Variants in HECTD4 observed in about 807,000 individuals in gnomAD.
HECTD4 encodes the protein probable E3 ubiquitin-protein ligase HECTD4.
A neutral mutation model predicts 471.5 loss-of-function variants in HECTD4; 114 were observed. The ratio of observed to expected loss-of-function variants is 0.24; its 90% CI spans 0.21 to 0.28. The LOEUF (loss-of-function observed/expected upper bound fraction) is 0.28, where lower values mean the gene tolerates loss of function less well. Ranked by LOEUF, HECTD4 falls within the 10% of genes least tolerant of loss-of-function variation. The pLI, the probability that HECTD4 is intolerant of heterozygous loss-of-function variation, is 1.00. For missense variants in HECTD4, 3,866 were observed against 5,651.5 expected, an observed-to-expected ratio of 0.68 and a Z score of 10.13; for synonymous variants, 2,012 against 2,256.0, an observed-to-expected ratio of 0.89 and a Z score of 3.07.
intron 34 of HECTD4, among the ~76,000 whole-genome samples, chr12:112,237,495 G>C (rs1226145056): frequency 6.6e-6 from 1 of 152,164 alleles, no homozygotes; most frequent in Non-Finnish European, 1.5e-5. Flanking sequence ...GCATGTAAAA[G>C]TTATGAAAAA....
rs1204888982 is a variant in HECTD4, at chr12:112,243,406, C to T, written c.4905G>A (p.Gly1635=). The T allele has an allele frequency of 6.2e-7, 1 of 1,612,704 alleles. No individual in the cohort carries two copies. Among genetic ancestry groups the T allele is most frequent in the Non-Finnish European group, 8.5e-7 (1 of 1,179,352 alleles). Residue 1635 remains glycine, a synonymous_variant, in exon 32 of 76, where the codon GGG becomes GGA. Coordinates refer to ENST00000682272, the MANE Select transcript of HECTD4 (RefSeq NM_001388303.1). This position sits in a 1 kb window ranked among gnomAD's most constrained non-coding sequence, Gnocchi z 6.6. The part of the protein sequence containing the change: ...RELLTAAVRV[G]GVTHLVGPVT... ...CTGGACCCACAAGATGCGTCACTCC[C>T]CCGACTCGTACGGCAGCTGTCAGCA...
In HECTD4 at chr12:112,213,535, A is replaced by C. The variant is rs549165744; in HGVS notation, c.7466-885T>G. 4.6e-5 allele frequency among the ~76,000 whole-genome samples: 7 copies of C among 151,242 alleles called. No individual in the cohort carries two copies. The highest frequency in any genetic ancestry group is 8.8e-5 in the Non-Finnish European group (6 of 67,864). On this transcript the variant is annotated intron_variant, in intron 48 of 75. Coordinates refer to ENST00000682272, the MANE Select transcript of HECTD4 (RefSeq NM_001388303.1). The surrounding 1 kb of genome is among the most constrained non-coding windows in gnomAD (Gnocchi z 4.0). ...CCCTGTCTCTACTAAAAATACAAAAATTTCGCCGGGCTAGGTGGCAGGCAC... is the reference window on the plus strand; with the variant it reads ...CCCTGTCTCTACTAAAAATACAAAACTTTCGCCGGGCTAGGTGGCAGGCAC...
chr12:112,189,107 C>T (rs1462990136), intron 60 of HECTD4, among the ~76,000 whole-genome samples: 1 of 152,140 alleles, frequency 6.6e-6, no homozygotes, highest in Non-Finnish European at 1.5e-5. Flanking sequence ...GATCCTCTTG[C>T]CTCAGCCTCT....
At chr12:112,325,456 T>C (rs2035723321) in intron 1 of HECTD4, among the ~76,000 whole-genome samples, 1 of 152,202 alleles carries the variant, frequency 6.6e-6, no homozygotes, top group Non-Finnish European at 1.5e-5. Flanking sequence ...ATTCTAAAGT[T>C]TGAAGGTCAT....
intron 62 of HECTD4, among the ~76,000 whole-genome samples, chr12:112,181,113 A>G (rs1395171966): frequency 4.0e-5 from 6 of 151,482 alleles, no homozygotes; most frequent in Non-Finnish European, 1.5e-5. Context: ...GGTTGCAGTG[A>G]GCTGAGATCG....
Position 112,309,679 on chromosome 12 carries a change from T to G in HECTD4, c.917-10A>C. On this transcript the variant is annotated splice_polypyrimidine_tract_variant and intron_variant, in intron 4 of 75. Coordinates refer to ENST00000682272, the MANE Select transcript of HECTD4 (RefSeq NM_001388303.1). ...CGTCCCAAGTCAGCATCTGAAATCG[T>G]TTTTTCACAGGTAAATTATATATAT... 7.5e-7 allele frequency: 1 copy of G among 1,338,012 alleles called. No individual in the cohort carries two copies. Among genetic ancestry groups the G allele is most frequent in the Non-Finnish European group, 1.0e-6 (1 of 974,252 alleles). The allele number at this position is 1,338,012 out of a possible 1,614,324, so 82.9% of individuals were successfully genotyped here.
chr12:112,268,003 T>G (rs2034319208), intron 13 of HECTD4, among the ~76,000 whole-genome samples: 1 of 152,144 alleles, frequency 6.6e-6, no homozygotes, highest in African/African-American at 2.4e-5. Context: ...TTTTTACTTT[T>G]TTTGTAGAGA....
intron 8 of HECTD4, among the ~76,000 whole-genome samples, chr12:112,280,950 C>A (rs552378048): frequency 6.6e-6 from 1 of 151,882 alleles, no homozygotes; most frequent in South Asian, 2.1e-4. Context: ...ACCATCACAC[C>A]CGGCTAATTT....
At chr12:112,349,104 A>C (rs2036205871) in intron 1 of HECTD4, among the ~76,000 whole-genome samples, 1 of 152,204 alleles carries the variant, frequency 6.6e-6, no homozygotes, top group Admixed American at 6.5e-5. Context: ...AATATTATGC[A>C]TAAAGAGGCC....
rs1202106277 is a variant in HECTD4, at chr12:112,167,728, T to C, written c.12312+86A>G. ...GAGGGTTTCTGAAACGGTTTGGCTT[T>C]GATGAGACACACACTGCCCGCCACC... On this transcript the variant is annotated intron_variant, in intron 71 of 75. Coordinates refer to ENST00000682272, the MANE Select transcript of HECTD4 (RefSeq NM_001388303.1). 5 of 1,282,456 alleles carry C rather than the reference T, an allele frequency of 3.9e-6. No individual in the cohort carries two copies. In the Admixed American group the frequency reaches 5.2e-5, roughly 13 times the overall value. 79.4% of individuals were successfully genotyped at this position (1,282,456 alleles called of 1,614,324 possible).
At chr12:112,197,462 C>T (rs985438645) in intron 55 of HECTD4, among the ~76,000 whole-genome samples, 2 of 152,220 alleles carry the variant, frequency 1.3e-5, no homozygotes, top group African/African-American at 4.8e-5. Flanking sequence ...GCCAGGACTA[C>T]AGGTATGCAC....
At chr12:112,366,178 AG>A (rs2036553925) in intron 1 of HECTD4, among the ~76,000 whole-genome samples, 1 of 152,046 alleles carries the variant, frequency 6.6e-6, no homozygotes, top group Non-Finnish European at 1.5e-5. Context: ...CTCAGACAAG[AG>A]GGGAAAAACC....
intron 20 of HECTD4, 21 bp downstream of exon 20, chr12:112,258,475 C>A (rs200163555): frequency 6.6e-7 from 1 of 1,524,322 alleles, no homozygotes; most frequent in Non-Finnish European, 8.8e-7. Context: ...AGGGTTCCTG[C>A]AAGGAAGCAG....
chr12:112,351,356 G>A (rs769788376), intron 1 of HECTD4, among the ~76,000 whole-genome samples: 9 of 152,152 alleles, frequency 5.9e-5, no homozygotes, highest in Non-Finnish European at 8.8e-5. Context: ...GTGCAGGGCA[G>A]GGCAGGTTTG....
intron 61 of HECTD4, 133 bp from the exon 62 acceptor site, chr12:112,183,399 G>C (rs2031746285): frequency 2.8e-6 from 2 of 718,510 alleles, no homozygotes; most frequent in Admixed American, 2.5e-5. Context: ...CCCTACTCTG[G>C]TGAGCTGGAC....
chr12:112,246,069 C>T (rs540720807), intron 29 of HECTD4, among the ~76,000 whole-genome samples: 19 of 151,940 alleles, frequency 1.3e-4, no homozygotes, highest in African/African-American at 4.1e-4. Context: ...GAGACAGAGA[C>T]TGCAGTGAGC....
chr12:112,335,886 C>A (rs900741675), intron 1 of HECTD4, among the ~76,000 whole-genome samples: 37 of 152,106 alleles, frequency 2.4e-4, no homozygotes, highest in African/African-American at 8.7e-4. Flanking sequence ...CATTGTTTTG[C>A]AATCTCTACC....
In HECTD4 at chr12:112,163,007, T is replaced by A; in HGVS notation, c.13120+35A>T. The A allele has an allele frequency of 3.3e-6, 5 of 1,494,432 alleles. No homozygotes were observed. The highest frequency in any genetic ancestry group is 4.6e-6 in the Non-Finnish European group (5 of 1,084,490). 92.6% of individuals were successfully genotyped at this position (1,494,432 alleles called of 1,614,324 possible). A position where few individuals can be genotyped will look rare whatever the true frequency, so the allele number is the denominator to read the frequency against. Reference sequence around the variant, plus strand: ...TTCCAAACAGAGAAAGGCTAGTGTGTCCCTACTTGGGACATGGCCAGGGGA... The same window carrying A: ...TTCCAAACAGAGAAAGGCTAGTGTGACCCTACTTGGGACATGGCCAGGGGA... On this transcript the variant is annotated intron_variant, in intron 75 of 75. Transcript: ENST00000682272. The surrounding 1 kb of genome is among the most constrained non-coding windows in gnomAD (Gnocchi z 8.2).
At position 112,179,380 on chromosome 12, in the gene HECTD4, C is replaced by T. The variant is rs561325595; in HGVS notation, c.11005G>A (p.Gly3669Arg). ...KSIKGEKLVP[G>R]AREVLTEIFK... ...ATCTCCGTCAGAACCTCTCTGGCTCCGGGCACCAGCTTCTCCCCTGTTGGA... is the reference window on the plus strand; with the variant it reads ...ATCTCCGTCAGAACCTCTCTGGCTCTGGGCACCAGCTTCTCCCCTGTTGGA... Residue 3669 changes from glycine to arginine, a missense_variant, in exon 63 of 76, where the codon GGA becomes AGA. By Grantham distance (125) the Gly-to-Arg change is moderately radical (BLOSUM62 -2). Coordinates refer to ENST00000682272, the MANE Select transcript of HECTD4 (RefSeq NM_001388303.1). The surrounding 1 kb of genome is among the most constrained non-coding windows in gnomAD (Gnocchi z 4.3). 11 of 1,611,400 alleles carry T rather than the reference C, an allele frequency of 6.8e-6. No homozygotes were observed. The highest frequency in any genetic ancestry group is 1.1e-5 in the South Asian group (1 of 90,284).
Sources: allele counts gnomAD v4.1 joint callset (sites outside exome capture counted in the v4.1 genomes callset), GRCh38; gene constraint gnomAD v4.1.1; non-coding constraint Gnocchi (gnomAD v3.1); transcripts MANE v1.5; gene names NCBI Gene and HGNC (gene_info 2026-07-23, HGNC 2026-07-21).